Variants in ETS2 observed in about 807,000 individuals in gnomAD.
The protein encoded by ETS2 is ETS proto-oncogene 2, transcription factor.
In ETS2, 19 loss-of-function variants were observed where a neutral mutation model predicts 54.9. That is an observed-to-expected ratio of 0.35 (90% CI 0.24 to 0.51). ETS2 has a LOEUF of 0.51. ETS2 is among the 20% of genes least tolerant of loss of function. The probability of loss-of-function intolerance (pLI) is 0.97; values close to 1 mark genes in which losing one functional copy is unlikely to be tolerated. For synonymous variants in ETS2, 219 were observed against 229.3 expected, an observed-to-expected ratio of 0.95 and a Z score of 0.41; for missense variants, 417 against 593.0, an observed-to-expected ratio of 0.70 and a Z score of 3.08.
In ETS2 at chr21:38,814,611, G is replaced by A. The variant is rs2123414829; in HGVS notation, c.305-170G>A. Among the ~76,000 whole-genome samples the A allele has an allele frequency of 6.6e-6, 1 of 152,334 alleles. No individual in the cohort carries two copies. Among genetic ancestry groups the A allele is most frequent in the South Asian group, 2.1e-4 (1 of 4,832 alleles). The stretch of plus-strand genomic sequence containing the variant: ...TAGAAGGACGCATTACTGGTGTCTT[G>A]AAATGTGCCTGGGTCGTGTCAGAAT... On this transcript the variant is annotated intron_variant, in intron 4 of 9. Transcript: ENST00000360938. This position sits in a 1 kb window ranked among gnomAD's most constrained non-coding sequence, Gnocchi z 4.2.
chr21:38,817,215 G>A (rs2060939072), intron 6 of ETS2, 124 bp downstream of exon 6: 8 of 631,028 alleles, frequency 1.3e-5, no homozygotes, highest in Admixed American at 2.7e-5. Flanking sequence ...GTGGCCACAC[G>A]TGGGTGTTGA....
At position 38,822,893 on chromosome 21, in the gene ETS2, C is replaced by T. The variant is rs1012179576; in HGVS notation, c.*4C>T. On this transcript the variant is annotated 3_prime_UTR_variant, in exon 10 of 10. Coordinates refer to ENST00000360938, the MANE Select transcript of ETS2 (RefSeq NM_005239.6). ...CCAGCCCGACACGGAGGACTGAGGT[C>T]GCCGGGACCACCCTGAGCCGGCCCC... The T allele has an allele frequency of 1.2e-5, 18 of 1,562,550 alleles. No homozygotes were observed. The East Asian group carries it at 1.4e-4, about 12-fold the overall frequency.
At position 38,815,030 on chromosome 21, in the gene ETS2, G is replaced by A. The variant is rs111253754; in HGVS notation, c.505+49G>A. Reference sequence around the variant, plus strand: ...TCCTTGTCCAGGATGAGCTGTGGCCGGGAAGACTGATTGGGAAAGTCACGT... The same window carrying A: ...TCCTTGTCCAGGATGAGCTGTGGCCAGGAAGACTGATTGGGAAAGTCACGT... On this transcript the variant is annotated intron_variant, in intron 5 of 9. Coordinates refer to ENST00000360938, the MANE Select transcript of ETS2 (RefSeq NM_005239.6). 2.5e-4 allele frequency: 399 copies of A among 1,575,052 alleles called. 1 individual carries two copies. In the African/African-American group the frequency reaches 4.6e-3, roughly 18 times the overall value.
At chr21:38,820,973 A>G (rs1258943455) in intron 8 of ETS2, among the ~76,000 whole-genome samples, 5 of 152,166 alleles carry the variant, frequency 3.3e-5, no homozygotes, top group African/African-American at 1.2e-4. Flanking sequence ...TCTAAATGTC[A>G]ATCGAGGACA....
In ETS2 at chr21:38,806,509, C is replaced by T; in HGVS notation, c.-1+389C>T. 1.0e-6 allele frequency: 1 copy of T among 985,516 alleles called. No individual in the cohort carries two copies. The allele number at this position is 985,516 out of a possible 1,614,324, so 61.0% of individuals were successfully genotyped here. A position where few individuals can be genotyped will look rare whatever the true frequency, so the allele number is the denominator to read the frequency against. On this transcript the variant is annotated intron_variant, in intron 1 of 9. Coordinates refer to ENST00000360938, the MANE Select transcript of ETS2 (RefSeq NM_005239.6). The surrounding 1 kb of genome is among the most constrained non-coding windows in gnomAD (Gnocchi z 4.3). ...GGATGTCCCGGCGAACATGATTTCG[C>T]GAACGGGAGTGGGGGCACAGGAGAG...
Position 38,814,757 on chromosome 21 carries a change from C to G in ETS2, c.305-24C>G. 2 of 1,607,574 alleles carry G rather than the reference C, an allele frequency of 1.2e-6. No homozygotes were observed. Among genetic ancestry groups the G allele is most frequent in the Non-Finnish European group, 1.7e-6 (2 of 1,174,468 alleles). ...TTCCACTGTTTTTACCTCATGTGTT[C>G]CATTTTTTCTTCTCTCCTGGTAGAC... On this transcript the variant is annotated intron_variant, in intron 4 of 9. Transcript: ENST00000360938. The surrounding 1 kb of genome is among the most constrained non-coding windows in gnomAD (Gnocchi z 4.2).
chr21:38,806,879 G>A lies in ETS2; in HGVS notation c.-1+759G>A. ...TCCTATTTTATTTTTTACGGCAGGA[G>A]ACCTTTTATGTTAGCCTGTACACAA... On this transcript the variant is annotated intron_variant, in intron 1 of 9. Transcript: ENST00000360938. This position sits in a 1 kb window ranked among gnomAD's most constrained non-coding sequence, Gnocchi z 4.3. The A allele has an allele frequency of 1.0e-6, 1 of 972,160 alleles. No individual in the cohort carries two copies. The highest frequency in any genetic ancestry group is 1.2e-6 in the Non-Finnish European group (1 of 817,880). The allele number at this position is 972,160 out of a possible 1,614,324, so 60.2% of individuals were successfully genotyped here. A position where few individuals can be genotyped will look rare whatever the true frequency, so the allele number is the denominator to read the frequency against.
intron 5 of ETS2, among the ~76,000 whole-genome samples, chr21:38,816,553 C>T (rs187801814): frequency 6.6e-6 from 1 of 152,312 alleles, no homozygotes; most frequent in South Asian, 2.1e-4. Flanking sequence ...CCATCCCAGA[C>T]TCCCACAGCC....
chr21:38,810,178 C>G (rs2123408359), intron 2 of ETS2, 72 bp downstream of exon 2: 1 of 922,332 alleles, frequency 1.1e-6, no homozygotes, highest in Non-Finnish European at 1.6e-6. Context: ...AAAAAAAGGC[C>G]TGGGTCCCAG....
chr21:38,807,547 A>T (rs2060898543), intron 1 of ETS2, among the ~76,000 whole-genome samples: 1 of 152,078 alleles, frequency 6.6e-6, no homozygotes, highest in East Asian at 1.9e-4. Flanking sequence ...AGCAAGCTTA[A>T]ATTTGATTAG....
chr21:38,819,637 G>T lies in ETS2; in HGVS notation c.946G>T (p.Asp316Tyr), dbSNP rs1274652900. The T allele has an allele frequency of 1.2e-6, 2 of 1,614,066 alleles. No individual in the cohort carries two copies. The highest frequency in any genetic ancestry group is 1.7e-5 in the Admixed American group (1 of 60,014). Residue 316 changes from aspartate to tyrosine, a missense_variant, in exon 8 of 10, where the codon GAT becomes TAT. Around this residue, in one of 3 missense-constraint regions of ETS2, gnomAD observed 326 missense variants for 426.1 expected, o/e 0.76. Transcript: ENST00000360938. ...GGTTCCTTCCTTCGAGAGCTTCGAA[G>T]ATGACTGCAGCCAGTCTCTCTGCCT... ...QRVPSFESFEDDCSQSLCLNK... is the reference protein window; with the variant it reads ...QRVPSFESFEYDCSQSLCLNK...
upstream of ETS2, chr21:38,805,328 C>T (rs1188945314): frequency 1.6e-6 from 2 of 1,287,238 alleles, no homozygotes; most frequent in African/African-American, 3.0e-5. This position sits in a 1 kb window ranked among gnomAD's most constrained non-coding sequence, Gnocchi z 5.2. Flanking sequence ...TAGTCCTAAG[C>T]CCATTCAGAG....
At position 38,805,973 on chromosome 21, in the gene ETS2, C is replaced by G. The variant is rs1210077025; in HGVS notation, c.-148C>G. The G allele has an allele frequency of 3.0e-5, 38 of 1,266,868 alleles. No homozygotes were observed. The highest frequency in any genetic ancestry group is 3.8e-5 in the Non-Finnish European group (37 of 980,350). The allele number at this position is 1,266,868 out of a possible 1,614,324, so 78.5% of individuals were successfully genotyped here. On this transcript the variant is annotated 5_prime_UTR_variant, in exon 1 of 10. Coordinates refer to ENST00000360938, the MANE Select transcript of ETS2 (RefSeq NM_005239.6). The surrounding 1 kb of genome is among the most constrained non-coding windows in gnomAD (Gnocchi z 5.2). ...TGACGAGTGCGGTGTCGCTCCAGCT[C>G]AGAGCTCCCGGAGCCGCCCGGCCAG...
intron 2 of ETS2, among the ~76,000 whole-genome samples, chr21:38,812,167 T>G (rs2060916141): frequency 6.6e-6 from 1 of 152,258 alleles, no homozygotes; most frequent in Non-Finnish European, 1.5e-5. Flanking sequence ...ATGGCAAACA[T>G]TTCAAAATAA....
intron 6 of ETS2, among the ~76,000 whole-genome samples, chr21:38,817,814 C>T (rs570297634): frequency 6.6e-6 from 1 of 152,308 alleles, no homozygotes; most frequent in African/African-American, 2.4e-5. Flanking sequence ...GCCCCAGCTC[C>T]ACCATTCAGA....
At position 38,806,250 on chromosome 21, in the gene ETS2, G is replaced by C; in HGVS notation, c.-1+130G>C. 1 of 973,872 alleles carries C rather than the reference G, an allele frequency of 1.0e-6. No homozygotes were observed. The highest frequency in any genetic ancestry group is 1.2e-6 in the Non-Finnish European group (1 of 818,082). The allele number at this position is 973,872 out of a possible 1,614,324, so 60.3% of individuals were successfully genotyped here. On this transcript the variant is annotated intron_variant, in intron 1 of 9. Coordinates refer to ENST00000360938, the MANE Select transcript of ETS2 (RefSeq NM_005239.6). This position sits in a 1 kb window ranked among gnomAD's most constrained non-coding sequence, Gnocchi z 4.3. ...CGGGGCGCTGCCGGGGGTGCAGGTG[G>C]GGGTGGCGGCTGCTGCGAGGACTCT...
rs1425974379 is a variant in ETS2 at position 38,822,238 on chromosome 21, T to C, written c.1195-436T>C. Among the ~76,000 whole-genome samples, 4 of 152,330 alleles carry C rather than the reference T, an allele frequency of 2.6e-5. No individual in the cohort carries two copies. The East Asian group carries it at 7.7e-4, about 29-fold the overall frequency. ...CACTGGGGAGCGTAATCTGTCACCA[T>C]TCCCACCCCGCCTCCAGTTCCCTTG... is the stretch of plus-strand genomic sequence containing the variant. On this transcript the variant is annotated intron_variant, in intron 9 of 9. Coordinates refer to ENST00000360938, the MANE Select transcript of ETS2 (RefSeq NM_005239.6).
chr21:38,814,806 G>T lies in ETS2; in HGVS notation c.330G>T (p.Gln110His), dbSNP rs1426522494. 9 of 1,614,068 alleles carry T rather than the reference G, an allele frequency of 5.6e-6. No individual in the cohort carries two copies. In the Admixed American group the frequency reaches 1.0e-4, roughly 18 times the overall value. ...ACCCCTGGCTGTGGAGTGAGCAACA[G>T]GTATGCCAGTGGCTTCTCTGGGCCA... The part of the protein sequence containing the change: ...PKNPWLWSEQ[Q>H]VCQWLLWATN... The change falls in exon 5 of 10, where the codon CAG becomes CAT. Residue 110 changes from glutamine to histidine, a missense_variant. By Grantham distance (24) the Gln-to-His change is conservative. This residue lies in a region of ETS2 where 326 missense variants were observed against 426.1 expected (regional missense o/e 0.76). Transcript: ENST00000360938. This position sits in a 1 kb window ranked among gnomAD's most constrained non-coding sequence, Gnocchi z 4.2.
At chr21:38,816,873 T>G in intron 5 of ETS2, 135 bp from the exon 6 acceptor site, 1 of 568,284 alleles carries the variant, frequency 1.8e-6, no homozygotes, top group Non-Finnish European at 3.1e-6. Context: ...TGGAGCACCA[T>G]GAGATTAAAT....
Sources: allele counts gnomAD v4.1 joint callset (sites outside exome capture counted in the v4.1 genomes callset), GRCh38; gene constraint gnomAD v4.1.1; regional missense constraint gnomAD v4.1.1; non-coding constraint Gnocchi (gnomAD v3.1); transcripts MANE v1.5; gene names NCBI Gene and HGNC (gene_info 2026-07-23, HGNC 2026-07-21).